Variants in ACLY observed in about 807,000 individuals in gnomAD.
The protein encoded by ACLY is ATP-citrate synthase.
A neutral mutation model predicts 133.0 loss-of-function variants in ACLY; 41 were observed. The observed-to-expected ratio is 0.31, with a 90% CI of 0.24 to 0.40. The LOEUF (loss-of-function observed/expected upper bound fraction) is 0.40, where lower values mean the gene tolerates loss of function less well. Among genes scored for constraint, ACLY ranks in the 10% least tolerant of loss-of-function variants. The pLI is 1.00. For synonymous variants in ACLY, 495 were observed against 549.3 expected, an observed-to-expected ratio of 0.90 and a Z score of 1.38; for missense variants, 1,046 against 1,453.8, an observed-to-expected ratio of 0.72 and a Z score of 4.56.
At position 41,892,930 on chromosome 17, in the gene ACLY, C is replaced by A. The variant is rs12942132; in HGVS notation, c.1601+103G>T. ...CTGGGCTCAAGCAGTTCTCCCACCTCGACCTCCCAAAGCGCTAGGATTACA... is the reference window on the plus strand; with the variant it reads ...CTGGGCTCAAGCAGTTCTCCCACCTAGACCTCCCAAAGCGCTAGGATTACA... On this transcript the variant is annotated intron_variant, in intron 15 of 28. Coordinates refer to ENST00000352035, the MANE Select transcript of ACLY (RefSeq NM_001096.3). 15 of 1,439,146 alleles carry A rather than the reference C, an allele frequency of 1.0e-5. No homozygotes were observed. In the Admixed American group the frequency reaches 1.8e-4, roughly 18 times the overall value. 89.1% of individuals were successfully genotyped at this position (1,439,146 alleles called of 1,614,324 possible).
In ACLY at chr17:41,886,177, C is replaced by T. The variant is rs150506595; in HGVS notation, c.2007G>A (p.Glu669=). Residue 669 remains glutamate (E), a synonymous_variant, in exon 18 of 29, where the codon GAG becomes GAA. Coordinates refer to ENST00000352035, the MANE Select transcript of ACLY (RefSeq NM_001096.3). ...TGGTCCGAGAGATGATATTGTTGAGCTCGTTGGACATGCCTCCGGAACGTG... is the reference window on the plus strand; with the variant it reads ...TGGTCCGAGAGATGATATTGTTGAGTTCGTTGGACATGCCTCCGGAACGTG... ...YVSRSGGMSN[E]LNNIISRTTD... 6.2e-7 allele frequency: 1 copy of T among 1,614,194 alleles called. No individual in the cohort carries two copies. The highest frequency in any genetic ancestry group is 8.5e-7 in the Non-Finnish European group (1 of 1,180,026).
At chr17:41,872,802 C>T (rs1387134040) in intron 23 of ACLY, among the ~76,000 whole-genome samples, 1 of 152,196 alleles carries the variant, frequency 6.6e-6, no homozygotes, top group African/African-American at 2.4e-5. Flanking sequence ...TAGGAGGCCC[C>T]ATGCCTCATT....
chr17:41,920,523 G>C (rs1235878168), upstream of ACLY, among the ~76,000 whole-genome samples: 2 of 150,498 alleles, frequency 1.3e-5, no homozygotes, highest in Non-Finnish European at 2.9e-5. Flanking sequence ...CCCGGGAGGT[G>C]GAGGTTGCAG....
chr17:41,874,167 G>C (rs1380072175), intron 22 of ACLY, among the ~76,000 whole-genome samples: 1 of 152,250 alleles, frequency 6.6e-6, no homozygotes, highest in Admixed American at 6.5e-5. Context: ...ATAGAAAACA[G>C]GAGGACCCAT....
intron 18 of ACLY, among the ~76,000 whole-genome samples, chr17:41,884,942 G>A (rs2049011874): frequency 6.6e-6 from 1 of 152,142 alleles, no homozygotes; most frequent in Non-Finnish European, 1.5e-5. Flanking sequence ...CGATGTTGGT[G>A]CACTGCAACC....
At chr17:41,905,706 G>A in intron 8 of ACLY, 48 bp from the exon 9 acceptor site, 1 of 1,612,888 alleles carries the variant, frequency 6.2e-7, no homozygotes, top group East Asian at 2.2e-5. Context: ...TTGGGGCAGG[G>A]AGTGGCAGCC....
At chr17:41,909,128 C>G in intron 5 of ACLY, 60 bp from the exon 6 acceptor site, 1 of 1,342,488 alleles carries the variant, frequency 7.4e-7, no homozygotes, top group Non-Finnish European at 1.1e-6. Flanking sequence ...GGCAGCACCC[C>G]AGGCGCCCCG....
chr17:41,887,514 A>T, intron 17 of ACLY, 85 bp downstream of exon 17: 2 of 1,056,434 alleles, frequency 1.9e-6, no homozygotes, highest in Non-Finnish European at 3.0e-6. Context: ...AGGGAGATAG[A>T]GGAGTCAAAA....
Position 41,883,105 on chromosome 17 carries a change from A to T in ACLY, c.2265+17T>A, listed in dbSNP as rs1555627635. The T allele has an allele frequency of 6.2e-7, 1 of 1,604,912 alleles. No homozygotes were observed. Among genetic ancestry groups the T allele is most frequent in the Admixed American group, 1.7e-5 (1 of 59,754 alleles). ...AATCCCCACTCCCAGCCCAGAAGTG[A>T]CCCATCTCAGCCATACCTCAGAGGA... On this transcript the variant is annotated intron_variant, in intron 20 of 28. Coordinates refer to ENST00000352035, the MANE Select transcript of ACLY (RefSeq NM_001096.3).
chr17:41,883,851 C>T (rs1240296374), intron 19 of ACLY, among the ~76,000 whole-genome samples: 3 of 152,002 alleles, frequency 2.0e-5, no homozygotes, highest in Admixed American at 1.3e-4. Context: ...TCCCAAAGTG[C>T]TGGGAGGATT....
At chr17:41,907,697 A>C in intron 6 of ACLY, 125 bp from the exon 7 acceptor site, 4 of 1,109,220 alleles carry the variant, frequency 3.6e-6, no homozygotes, top group Non-Finnish European at 5.1e-6. Context: ...CTCTAAGCTC[A>C]GTAAGAAACC....
At chr17:41,881,416 C>CAA (rs34173466) in intron 20 of ACLY, among the ~76,000 whole-genome samples, 2,308 of 40,408 alleles carry the variant, frequency 0.057, 226 homozygotes, top group African/African-American at 0.19. Flanking sequence ...GACTCCGTCT[C>CAA]AAAAAAAAAA....
rs535668437 is a variant in ACLY at position 41,887,127 on chromosome 17, G to GAAAAAAA, written c.1875+465_1875+471dup. 1.4e-3 allele frequency among the ~76,000 whole-genome samples: 154 copies of GAAAAAAA among 110,348 alleles called. 5 individuals are homozygous for GAAAAAAA. Among genetic ancestry groups the GAAAAAAA allele is most frequent in the Middle Eastern group, 4.5e-3 (1 of 222 alleles). 72.4% of individuals were successfully genotyped at this position (110,348 alleles called of 152,430 possible). A position where few individuals can be genotyped will look rare whatever the true frequency, so the allele number is the denominator to read the frequency against. On this transcript the variant is annotated intron_variant, in intron 17 of 28. Transcript: ENST00000352035. The stretch of plus-strand genomic sequence containing the variant: ...TAACAGGGCAAGACTCCGTCTCAAA[G>GAAAAAAA]AAAAAAAAAAAAAAAAAAAAAAAAA...
At chr17:41,879,591 G>A (rs1555626839) in intron 20 of ACLY, among the ~76,000 whole-genome samples, 1 of 121,462 alleles carries the variant, frequency 8.2e-6, no homozygotes, top group Non-Finnish European at 1.6e-5. Context: ...AGGTTGCAGT[G>A]AGCCAAGATT....
At chr17:41,881,332 A>C (rs2048911463) in intron 20 of ACLY, among the ~76,000 whole-genome samples, 1 of 147,784 alleles carries the variant, frequency 6.8e-6, no homozygotes, top group Non-Finnish European at 1.5e-5. Context: ...CTGAAGTAGG[A>C]GAATTGCTTA....
At chr17:41,911,950 A>C (rs1286059217) in intron 3 of ACLY, among the ~76,000 whole-genome samples, 1 of 152,160 alleles carries the variant, frequency 6.6e-6, no homozygotes, top group Non-Finnish European at 1.5e-5. Flanking sequence ...CCTCGTCTCT[A>C]CTAAAAATAC....
chr17:41,919,749 C>T (rs187179407), upstream of ACLY, among the ~76,000 whole-genome samples: 3 of 152,366 alleles, frequency 2.0e-5, no homozygotes, highest in Admixed American at 6.5e-5. Flanking sequence ...CAGGCTTAGA[C>T]ACTGGAATGA....
chr17:41,889,134 A>AAAAC (rs1183527539), intron 16 of ACLY, among the ~76,000 whole-genome samples: 3 of 152,146 alleles, frequency 2.0e-5, no homozygotes, highest in East Asian at 1.9e-4. Context: ...ACAAAAAACA[A>AAAAC]AAACAAACAA....
upstream of ACLY, among the ~76,000 whole-genome samples, chr17:41,923,513 C>T (rs2050206173): frequency 3.9e-5 from 6 of 152,192 alleles, no homozygotes; most frequent in Admixed American, 3.3e-4. Context: ...AGTCCTTGGG[C>T]CTGTACCCTG....
Sources: allele counts gnomAD v4.1 joint callset (sites outside exome capture counted in the v4.1 genomes callset), GRCh38; gene constraint gnomAD v4.1.1; transcripts MANE v1.5; gene names NCBI Gene and HGNC (gene_info 2026-07-23, HGNC 2026-07-21).